The following NTRK3 variants were observed in gnomAD, a reference collection of about 807,000 sequenced individuals.
NTRK3 encodes neurotrophic receptor tyrosine kinase 3, also known as NT-3 growth factor receptor.
Under a neutral mutation model 91.7 loss-of-function variants are expected in NTRK3, and 24 were observed. The observed-to-expected ratio is 0.26, with a 90% confidence interval of 0.19 to 0.37. The LOEUF is 0.37. Ranked by LOEUF, NTRK3 falls within the 10% of genes least tolerant of loss-of-function variation. NTRK3 has a pLI of 1.00. For synonymous variants in NTRK3, 483 were observed against 404.0 expected (o/e 1.20, Z -2.34); for missense variants, 880 against 1,068.9 (o/e 0.82, Z 2.46).
chr15:88,218,084 C>T (rs1323633307), intron 3 of NTRK3, among the ~76,000 whole-genome samples: 2 of 152,100 alleles, frequency 1.3e-5, no homozygotes, highest in Non-Finnish European at 2.9e-5. Context: ...ACTGTGGGGG[C>T]CCAGAACATC....
At chr15:87,869,864 C>T (rs916428511) in exon 19 of NTRK3, 3 of 192,582 alleles carry the variant, frequency 1.6e-5, no homozygotes, top group African/African-American at 7.0e-5. Context: ...TGTGTCCTAC[C>T]ATTTAACATA....
At chr15:88,084,681 G>C (rs531600317) in intron 13 of NTRK3, among the ~76,000 whole-genome samples, 16 of 152,280 alleles carry the variant, frequency 1.1e-4, no homozygotes, top group African/African-American at 3.9e-4. Flanking sequence ...CTCTGCAGCT[G>C]CACTGCACAA....
intron 17 of NTRK3, among the ~76,000 whole-genome samples, chr15:87,893,736 A>G (rs2065961580): frequency 6.6e-6 from 1 of 152,198 alleles, no homozygotes; most frequent in Non-Finnish European, 1.5e-5. Flanking sequence ...AAACATCTAT[A>G]CTCACACAAC....
chr15:88,114,095 C>T (rs555867485), intron 13 of NTRK3, among the ~76,000 whole-genome samples: 1 of 152,160 alleles, frequency 6.6e-6, no homozygotes, highest in Non-Finnish European at 1.5e-5. Flanking sequence ...GGGAATCCTG[C>T]TCTGTGCAGT....
chr15:87,903,416 A>G (rs941968260), intron 17 of NTRK3, among the ~76,000 whole-genome samples: 1 of 152,114 alleles, frequency 6.6e-6, no homozygotes, highest in African/African-American at 2.4e-5. Context: ...CCCCTCCTCC[A>G]TCATCTTCCC....
chr15:87,950,031 C>A (rs1596366966), intron 14 of NTRK3, among the ~76,000 whole-genome samples: 1 of 152,178 alleles, frequency 6.6e-6, no homozygotes, highest in African/African-American at 2.4e-5. Flanking sequence ...GAGGCCCTTC[C>A]TTTCCAGCTA....
intron 15 of NTRK3, among the ~76,000 whole-genome samples, chr15:87,938,868 G>A (rs1191353318): frequency 6.6e-6 from 1 of 152,172 alleles, no homozygotes; most frequent in African/African-American, 2.4e-5. Flanking sequence ...ACCATCTCAT[G>A]TCTATGCAGG....
chr15:87,988,141 C>A (rs1285699976), intron 14 of NTRK3, among the ~76,000 whole-genome samples: 1 of 152,192 alleles, frequency 6.6e-6, no homozygotes, highest in African/African-American at 2.4e-5. Flanking sequence ...AGTGTTAAGT[C>A]ATGTGATAAG....
chr15:88,058,376 AG>A (rs2045914581), intron 13 of NTRK3, among the ~76,000 whole-genome samples: 1 of 152,162 alleles, frequency 6.6e-6, no homozygotes, highest in African/African-American at 2.4e-5. Context: ...GATTGTTTTG[AG>A]GGTTAAATGA....
chr15:88,071,920 G>A (rs2047118469), intron 13 of NTRK3, among the ~76,000 whole-genome samples: 2 of 152,038 alleles, frequency 1.3e-5, no homozygotes, highest in African/African-American at 2.4e-5. Context: ...TTCCTGCCCT[G>A]GCAGAGTAAC....
intron 13 of NTRK3, among the ~76,000 whole-genome samples, chr15:88,048,410 A>G (rs1596980216): frequency 6.6e-6 from 1 of 152,212 alleles, no homozygotes; most frequent in African/African-American, 2.4e-5. Flanking sequence ...AGGAGAGGCA[A>G]TGACTCAAGA....
chr15:88,090,404 A>AAGGG (rs141515157), intron 13 of NTRK3, among the ~76,000 whole-genome samples: 1 of 151,868 alleles, frequency 6.6e-6, no homozygotes, highest in African/African-American at 2.4e-5. Flanking sequence ...AAAAGGAATG[A>AAGGG]AGGAAGGGAG....
intron 6 of NTRK3, among the ~76,000 whole-genome samples, chr15:88,139,927 G>A (rs1355891387): frequency 4.1e-5 from 6 of 145,938 alleles, no homozygotes; most frequent in Non-Finnish European, 6.0e-5. Context: ...GGTGGGAGGG[G>A]GGGAGTGTGG....
chr15:88,091,220 G>C (rs891229767), intron 13 of NTRK3, among the ~76,000 whole-genome samples: 8 of 152,200 alleles, frequency 5.3e-5, no homozygotes, highest in Non-Finnish European at 8.8e-5. Flanking sequence ...GATGCCAAAA[G>C]AAACTTGGGA....
chr15:88,110,518 G>T (rs2051223055), intron 13 of NTRK3, among the ~76,000 whole-genome samples: 1 of 152,180 alleles, frequency 6.6e-6, no homozygotes, highest in South Asian at 2.1e-4. Context: ...CCAGCCCTTT[G>T]GGTGCAATGC....
chr15:87,884,473 C>T (rs911224520), intron 17 of NTRK3, among the ~76,000 whole-genome samples: 1 of 151,598 alleles, frequency 6.6e-6, no homozygotes, highest in African/African-American at 2.4e-5. Flanking sequence ...GTGGTTTAAA[C>T]GTCCCTGAAG....
intron 13 of NTRK3, among the ~76,000 whole-genome samples, chr15:88,122,150 C>G (rs1023767713): frequency 6.6e-6 from 1 of 152,188 alleles, no homozygotes; most frequent in African/African-American, 2.4e-5. Flanking sequence ...AAAACACTCA[C>G]AGAGTAATGC....
chr15:88,210,306 A>T (rs1426989087), intron 3 of NTRK3, among the ~76,000 whole-genome samples: 1 of 152,206 alleles, frequency 6.6e-6, no homozygotes, highest in Admixed American at 6.5e-5. Flanking sequence ...CAATTCGAAG[A>T]GCAGCCCGAT....
intron 5 of NTRK3, among the ~76,000 whole-genome samples, chr15:88,172,549 G>C (rs946736073): frequency 3.9e-5 from 6 of 152,164 alleles, no homozygotes; most frequent in Non-Finnish European, 8.8e-5. Context: ...CAGCTGACAG[G>C]GTTATAAGAA....
Sources: gnomAD v4.1 joint callset for allele counts (sites outside exome capture counted in the v4.1 genomes callset) on GRCh38, gnomAD v4.1.1 for gene constraint, MANE v1.5 for transcripts, NCBI Gene and HGNC (gene_info 2026-07-23, HGNC 2026-07-21) for gene names.